The following STAU1 variants were observed in gnomAD, a reference collection of about 807,000 sequenced individuals.
The protein encoded by STAU1 is double-stranded RNA-binding protein Staufen homolog 1.
Under a neutral mutation model 62.9 loss-of-function variants are expected in STAU1, and 13 were observed. The ratio of observed to expected loss-of-function variants is 0.21; its 90% CI spans 0.13 to 0.33. The LOEUF (loss-of-function observed/expected upper bound fraction) is 0.33. Ranked by LOEUF, STAU1 falls within the 10% of genes least tolerant of loss-of-function variation. The pLI is 1.00. For missense variants in STAU1, 571 were observed against 712.1 expected, an observed-to-expected ratio of 0.80 and a Z score of 2.25; for synonymous variants, 269 against 265.1, an observed-to-expected ratio of 1.01 and a Z score of -0.14.
intron 5 of STAU1, among the ~76,000 whole-genome samples, chr20:49,142,080 A>ACAACAAC (rs1555847031): frequency 0.012 from 1,791 of 151,572 alleles, 40 homozygotes; most frequent in African/African-American, 0.04. Flanking sequence ...AACAACAACA[A>ACAACAAC]ATATTTATTT....
chr20:49,160,608 T>C (rs2093433348), intron 3 of STAU1, among the ~76,000 whole-genome samples: 2 of 152,200 alleles, frequency 1.3e-5, no homozygotes, highest in Non-Finnish European at 2.9e-5. Flanking sequence ...TTTTTTTCCT[T>C]TCCATGTTCT....
intron 6 of STAU1, chr20:49,135,025 C>T (rs1245101032): frequency 6.3e-6 from 10 of 1,582,682 alleles, no homozygotes; most frequent in South Asian, 2.2e-5. Flanking sequence ...GAAGGGAGCC[C>T]GGGCAGCCGC....
At chr20:49,169,977 A>G (rs536840313) in intron 2 of STAU1, among the ~76,000 whole-genome samples, 2 of 152,348 alleles carry the variant, frequency 1.3e-5, no homozygotes, top group South Asian at 4.1e-4. Flanking sequence ...CTTCTCATAA[A>G]AACAGAATCT....
chr20:49,142,012 C>T (rs10432729), intron 5 of STAU1, among the ~76,000 whole-genome samples: 50,296 of 151,330 alleles, frequency 0.33, 9,330 homozygotes, highest in Middle Eastern at 0.46. Flanking sequence ...TCACTTGAGG[C>T]CTGGAGTTTG....
intron 5 of STAU1, among the ~76,000 whole-genome samples, chr20:49,149,251 A>AACACAC (rs34854738): frequency 0.19 from 25,477 of 131,634 alleles, 2,572 homozygotes; most frequent in East Asian, 0.26. Context: ...ACTGTCTCAA[A>AACACAC]ACACACACAC....
rs1347289936 is a variant in STAU1, at chr20:49,115,797, T to C, written c.1703A>G (p.Asn568Ser). ...QQSTEMPRTG[N>S]GPMSVCGRC ...GTGCACTCACACAGACATTGGTCCG[T>C]TTCCTGTTCTTGGCATCTCTGTACT... The change falls in exon 13 of 14, where the codon AAC becomes AGC. Residue 568 changes from asparagine (N) to serine (S), a missense_variant. Around this residue, in one of 3 missense-constraint regions of STAU1, gnomAD observed 156 missense variants for 194.7 expected, o/e 0.80. Coordinates refer to ENST00000371856, the MANE Select transcript of STAU1 (RefSeq NM_017453.4). 3 of 1,613,976 alleles carry C rather than the reference T, an allele frequency of 1.9e-6. No homozygotes were observed. The highest frequency in any genetic ancestry group is 2.2e-5 in the East Asian group (1 of 44,882).
At chr20:49,179,704 T>C (rs900083909) in intron 1 of STAU1, among the ~76,000 whole-genome samples, 1 of 152,226 alleles carries the variant, frequency 6.6e-6, no homozygotes, top group Non-Finnish European at 1.5e-5. Context: ...CCTCAGTTAA[T>C]TGTAATCTAT....
At chr20:49,133,002 T>TA (rs1321126851) in intron 6 of STAU1, among the ~76,000 whole-genome samples, 3 of 152,180 alleles carry the variant, frequency 2.0e-5, no homozygotes, top group African/African-American at 7.2e-5. Context: ...TAATGCAAGC[T>TA]AGTAAAAAAT....
chr20:49,147,629 G>T (rs1022603364), intron 5 of STAU1, among the ~76,000 whole-genome samples: 1 of 152,282 alleles, frequency 6.6e-6, no homozygotes, highest in African/African-American at 2.4e-5. Flanking sequence ...TAGGACCGTG[G>T]ACAAAGACTT....
chr20:49,195,658 C>A, the STAU1 span, among the ~76,000 whole-genome samples: 1 of 150,314 alleles, frequency 6.7e-6, no homozygotes. Flanking sequence ...AATCCCAACA[C>A]TTTGGGAGCC....
the STAU1 span, among the ~76,000 whole-genome samples, chr20:49,195,913 AAAAAGAAAAAAGAAAAAAAAAAAAC>A: frequency 1.2e-5 from 1 of 80,108 alleles, no homozygotes; most frequent in Non-Finnish European, 3.1e-5. Flanking sequence ...AAAAAAAAAA[AAAAAGAAAAAAGAAAAAAAAAAAAC>A]AAAGAAACAA....
the STAU1 span, among the ~76,000 whole-genome samples, chr20:49,217,972 C>A: frequency 1.3e-5 from 2 of 151,396 alleles, no homozygotes; most frequent in African/African-American, 2.4e-5. Context: ...CTCCTGGGTT[C>A]AAGCGATTCT....
intron 6 of STAU1, among the ~76,000 whole-genome samples, chr20:49,131,292 A>T (rs1480079434): frequency 6.6e-6 from 1 of 152,250 alleles, no homozygotes; most frequent in African/African-American, 2.4e-5. Flanking sequence ...ATCAGACACT[A>T]GAGCGGAAGA....
At position 49,155,080 on chromosome 20, in the gene STAU1, CTG is replaced by C. The variant is rs1336962698; in HGVS notation, c.206-1011_206-1010del. On this transcript the variant is annotated intron_variant, in intron 3 of 13. Transcript: ENST00000371856. ...CAGATGAGGAAACAAGAGCAAAACTCTGTCTTAAAAAAAAAAAAGAAACACAA... is the reference window on the plus strand; with the variant it reads ...CAGATGAGGAAACAAGAGCAAAACTCTCTTAAAAAAAAAAAAGAAACACAA... 3.6e-5 allele frequency among the ~76,000 whole-genome samples: 3 copies of C among 84,218 alleles called. No homozygotes were observed. The East Asian group carries it at 7.2e-4, about 20-fold the overall frequency. 55.3% of individuals were successfully genotyped at this position (84,218 alleles called of 152,430 possible).
At chr20:49,194,622 G>C in the STAU1 span, among the ~76,000 whole-genome samples, 1 of 151,882 alleles carries the variant, frequency 6.6e-6, no homozygotes, top group Non-Finnish European at 1.5e-5. Context: ...CTGTCGCCCA[G>C]ACTGCAGTGC....
intron 9 of STAU1, 29 bp downstream of exon 9, chr20:49,119,953 C>T (rs781717378): frequency 1.2e-6 from 2 of 1,606,868 alleles, no homozygotes; most frequent in Admixed American, 1.7e-5. Flanking sequence ...GAGAGACCAT[C>T]TTGCAATCAG....
the STAU1 span, among the ~76,000 whole-genome samples, chr20:49,199,218 T>C: frequency 6.6e-6 from 1 of 151,918 alleles, no homozygotes; most frequent in African/African-American, 2.4e-5. Context: ...TACAGGTGCA[T>C]ACCATCACGC....
chr20:49,150,963 G>A (rs771176933), intron 5 of STAU1, among the ~76,000 whole-genome samples: 2 of 152,110 alleles, frequency 1.3e-5, no homozygotes, highest in African/African-American at 2.4e-5. Context: ...TACCAGCCAC[G>A]TGAGTGAGCC....
chr20:49,162,185 T>C (rs2093458986), intron 3 of STAU1, among the ~76,000 whole-genome samples: 1 of 152,204 alleles, frequency 6.6e-6, no homozygotes, highest in Non-Finnish European at 1.5e-5. Context: ...TCAGACCTTA[T>C]CTATTTCTAA....
Sources: gnomAD v4.1 joint callset for allele counts (sites outside exome capture counted in the v4.1 genomes callset) on GRCh38, gnomAD v4.1.1 for gene constraint, gnomAD v4.1.1 regional missense constraint, MANE v1.5 for transcripts, NCBI Gene and HGNC (gene_info 2026-07-23, HGNC 2026-07-21) for gene names.